Variants in TTLL4 observed in about 807,000 individuals in gnomAD.
TTLL4 encodes the protein tubulin monoglutamylase TTLL4.
TTLL4 carries 85 observed loss-of-function variants against 122.7 expected under a neutral mutation model. That is an observed-to-expected ratio of 0.69 (90% CI 0.58 to 0.83). The LOEUF (loss-of-function observed/expected upper bound fraction) is 0.83, where lower values mean the gene tolerates loss of function less well. TTLL4 is among the 40% of genes least tolerant of loss of function. TTLL4 has a pLI of 0.00. For missense variants in TTLL4, 1,363 were observed against 1,488.6 expected (o/e 0.92, Z 1.39); for synonymous variants, 553 against 563.0 (o/e 0.98, Z 0.25).
In TTLL4 at chr2:218,747,461, C is replaced by T; in HGVS notation, c.2249+89C>T. On this transcript the variant is annotated intron_variant, in intron 10 of 19. Transcript: ENST00000392102. This position sits in a 1 kb window ranked among gnomAD's most constrained non-coding sequence, Gnocchi z 4.7. ...TTACAATGTTCTGCCCTTTGTTCTCCCAGCCAAAGAGCTTCCTTAGCCAAC... is the reference window on the plus strand; with the variant it reads ...TTACAATGTTCTGCCCTTTGTTCTCTCAGCCAAAGAGCTTCCTTAGCCAAC... 6.4e-7 allele frequency: 1 copy of T among 1,569,594 alleles called. No individual in the cohort carries two copies. The highest frequency in any genetic ancestry group is 1.2e-5 in the South Asian group (1 of 86,420).
At chr2:218,749,730 G>A (rs967433724) in intron 14 of TTLL4, among the ~76,000 whole-genome samples, 18 of 152,318 alleles carry the variant, frequency 1.2e-4, no homozygotes, top group African/African-American at 3.8e-4. Flanking sequence ...GCCTCCCAAA[G>A]TGCTGGGATT....
chr2:218,727,704 T>C (rs1942235901), intron 2 of TTLL4, among the ~76,000 whole-genome samples: 1 of 152,080 alleles, frequency 6.6e-6, no homozygotes, highest in Non-Finnish European at 1.5e-5. Flanking sequence ...TTCACACCAC[T>C]GCACTCCAGC....
Position 218,745,201 on chromosome 2 carries a change from C to G in TTLL4, c.1754C>G (p.Pro585Arg). The change falls in exon 6 of 20, where the codon CCT becomes CGT. Residue 585 changes from proline to arginine, a missense_variant. Pro to Arg is a moderately radical substitution (Grantham distance 103). Coordinates refer to ENST00000392102, the MANE Select transcript of TTLL4 (RefSeq NM_014640.5). ...TACAGTCTCTTTCCCAACGTTCCCC[C>G]TACCATCTATTTTGGCACTCGGGAT... ...LIYSLFPNVP[P>R]TIYFGTRDER... is the part of the protein sequence containing the mutation. 6.2e-7 allele frequency: 1 copy of G among 1,614,092 alleles called. No individual in the cohort carries two copies. Among genetic ancestry groups the G allele is most frequent in the Non-Finnish European group, 8.5e-7 (1 of 1,179,976 alleles).
At chr2:218,740,419 G>T in intron 4 of TTLL4, 102 bp from the exon 5 acceptor site, 1 of 1,296,872 alleles carries the variant, frequency 7.7e-7, no homozygotes, top group Non-Finnish European at 1.1e-6. Flanking sequence ...GGCTCCCCAA[G>T]AAGGGTTGAG....
rs774148744 is a variant in TTLL4, at chr2:218,754,198, A to C, written c.3409A>C (p.Lys1137Gln). 2.3e-5 allele frequency: 37 copies of C among 1,614,084 alleles called. 1 individual carries two copies. Among genetic ancestry groups the C allele is most frequent in the Non-Finnish European group, 3.1e-5 (37 of 1,180,048 alleles). Reference protein sequence around the residue: ...SEDGTTPKSKKTQAGLSPYPQ... With the variant: ...SEDGTTPKSKQTQAGLSPYPQ... The stretch of plus-strand genomic sequence containing the variant: ...AGACGGGACCACGCCCAAATCCAAG[A>C]AGACTCAAGCTGGCCTTTCCCCTTA... Residue 1137 changes from lysine (K) to glutamine (Q), a missense_variant, in exon 20 of 20, where the codon AAG becomes CAG. By Grantham distance (53) the Lys-to-Gln change is moderately conservative (BLOSUM62 1). Around this residue, in one of 3 missense-constraint regions of TTLL4, gnomAD observed 596 missense variants for 655.8 expected, o/e 0.91. Transcript: ENST00000392102.
At chr2:218,733,951 G>A (rs1484306587) in intron 2 of TTLL4, among the ~76,000 whole-genome samples, 1 of 152,214 alleles carries the variant, frequency 6.6e-6, no homozygotes, top group African/African-American at 2.4e-5. Context: ...AGAAGTCAGT[G>A]ATGTGCTTTT....
Position 218,749,238 on chromosome 2 carries a change from C to T in TTLL4, c.2601-15C>T. ...GGAGGAGCTGAACTGAGTACTTCCT[C>T]ATCCCCATGACCAGGTCAGAGCCCT... On this transcript the variant is annotated splice_polypyrimidine_tract_variant and intron_variant, in intron 13 of 19. Coordinates refer to ENST00000392102, the MANE Select transcript of TTLL4 (RefSeq NM_014640.5). 7 of 1,613,860 alleles carry T rather than the reference C, an allele frequency of 4.3e-6. No individual in the cohort carries two copies. Among genetic ancestry groups the T allele is most frequent in the Non-Finnish European group, 5.9e-6 (7 of 1,179,888 alleles).
chr2:218,722,973 T>G (rs1942088631), intron 1 of TTLL4, among the ~76,000 whole-genome samples: 1 of 152,228 alleles, frequency 6.6e-6, no homozygotes, highest in Admixed American at 6.5e-5. Context: ...GGGACTAAGC[T>G]CCTTCTGCCT....
rs199971353 is a variant in TTLL4 at position 218,749,354 on chromosome 2, A to C, written c.2702A>C (p.Lys901Thr). The C allele has an allele frequency of 6.2e-7, 1 of 1,614,152 alleles. No individual in the cohort carries two copies. The highest frequency in any genetic ancestry group is 1.1e-5 in the South Asian group (1 of 91,082). The part of the protein sequence containing the change: ...GFDIMLDENL[K>T]PWVLEVNISP... ...GACATCATGCTAGACGAAAACCTCA[A>C]GCCCTGGGTCCTGGAAGTCAACATT... Residue 901 changes from lysine to threonine, a missense_variant, in exon 14 of 20, where the codon AAG becomes ACG. Lys to Thr is a moderately conservative substitution (Grantham distance 78). This residue lies in a region of TTLL4 where 596 missense variants were observed against 655.8 expected (regional missense o/e 0.91). Transcript: ENST00000392102.
chr2:218,723,778 C>A (rs973395261), intron 1 of TTLL4, among the ~76,000 whole-genome samples: 3 of 152,042 alleles, frequency 2.0e-5, no homozygotes, highest in African/African-American at 7.2e-5. Context: ...TCAGAAGTGT[C>A]AAGCTCATTA....
intron 5 of TTLL4, among the ~76,000 whole-genome samples, chr2:218,743,212 T>A (rs918894306): frequency 6.6e-6 from 1 of 151,892 alleles, no homozygotes; most frequent in African/African-American, 2.4e-5. Flanking sequence ...ACCCTTACTC[T>A]CCCATCCCCT....
At position 218,747,182 on chromosome 2, in the gene TTLL4, G is replaced by A. The variant is rs1942867611; in HGVS notation, c.2154G>A (p.Trp718Ter). 1 of 1,614,106 alleles carries A rather than the reference G, an allele frequency of 6.2e-7. No homozygotes were observed. The highest frequency in any genetic ancestry group is 1.3e-5 in the African/African-American group (1 of 74,934). The change falls in exon 9 of 20, where the codon TGG becomes TGA. Residue 718 changes from tryptophan (W) to a stop codon, truncating the protein, a stop_gained. Coordinates refer to ENST00000392102, the MANE Select transcript of TTLL4 (RefSeq NM_014640.5). LOFTEE classifies it high-confidence loss of function. The surrounding 1 kb of genome is among the most constrained non-coding windows in gnomAD (Gnocchi z 4.7). ...GGGAGAGCAGCAGCCGCCAAAAGTG[G>A]ATTGTGAAGCCAGTGAGTGAATCAC... ...KAWESSSRQK[W>*]IVKPPASARG...
intron 1 of TTLL4, among the ~76,000 whole-genome samples, chr2:218,719,345 A>C (rs773350894): frequency 8.5e-5 from 13 of 152,148 alleles, no homozygotes; most frequent in Non-Finnish European, 8.8e-5. Context: ...TAGCCTTGGG[A>C]AAGTATCACG....
chr2:218,723,879 A>G (rs979477346), intron 1 of TTLL4, among the ~76,000 whole-genome samples: 2 of 152,234 alleles, frequency 1.3e-5, no homozygotes, highest in Non-Finnish European at 2.9e-5. Context: ...GGCCAGATAA[A>G]GGACATTGAT....
At chr2:218,741,837 T>C (rs1214248673) in intron 5 of TTLL4, among the ~76,000 whole-genome samples, 3 of 152,230 alleles carry the variant, frequency 2.0e-5, no homozygotes, top group Admixed American at 6.5e-5. Context: ...CTTCCTGATA[T>C]ATAAGATAAA....
At chr2:218,719,505 T>G (rs1426832516) in intron 1 of TTLL4, among the ~76,000 whole-genome samples, 2 of 151,534 alleles carry the variant, frequency 1.3e-5, no homozygotes, top group Non-Finnish European at 2.9e-5. Context: ...ATTCCAGGAA[T>G]TTAGTGTAAG....
chr2:218,753,143 C>A lies in TTLL4; in HGVS notation c.3216C>A (p.Tyr1072Ter), dbSNP rs1166357617. The A allele has an allele frequency of 6.2e-7, 1 of 1,614,116 alleles. No individual in the cohort carries two copies. Among genetic ancestry groups the A allele is most frequent in the South Asian group, 1.1e-5 (1 of 91,076 alleles). Reference sequence around the variant, plus strand: ...TAGATCTGCTCCGGAGTTGGTGCTACAAAGGGTTCCACATGGGAGTTGTCT... The same window carrying A: ...TAGATCTGCTCCGGAGTTGGTGCTAAAAAGGGTTCCACATGGGAGTTGTCT... ...KGVDLLRSWC[Y>*]KGFHMGVVSD... Residue 1072 changes from tyrosine (Y) to a stop codon, truncating the protein, a stop_gained, in exon 18 of 20, where the codon TAC becomes TAA. Coordinates refer to ENST00000392102, the MANE Select transcript of TTLL4 (RefSeq NM_014640.5). LOFTEE classifies it high-confidence loss of function.
chr2:218,721,378 C>A (rs1361341942), intron 1 of TTLL4, among the ~76,000 whole-genome samples: 1 of 152,144 alleles, frequency 6.6e-6, no homozygotes, highest in Non-Finnish European at 1.5e-5. Flanking sequence ...CCAGGGAACA[C>A]CAATTTATAG....
chr2:218,753,796 G>A (rs369780463), intron 19 of TTLL4, 127 bp downstream of exon 19: 1 of 1,034,848 alleles, frequency 9.7e-7, no homozygotes. Context: ...GGAGCGTCAG[G>A]ACATGCAGCC....
Sources: allele counts gnomAD v4.1 joint callset (sites outside exome capture counted in the v4.1 genomes callset), GRCh38; gene constraint gnomAD v4.1.1; regional missense constraint gnomAD v4.1.1; non-coding constraint Gnocchi (gnomAD v3.1); transcripts MANE v1.5; gene names NCBI Gene and HGNC (gene_info 2026-07-23, HGNC 2026-07-21).